DYNLRB1: variants seen among roughly 807,000 people sequenced by gnomAD.
DYNLRB1 encodes the protein ROBL/LC7-like 1.
DYNLRB1 carries 6 observed loss-of-function variants against 13.5 expected under a neutral mutation model. The observed-to-expected ratio is 0.44, with a 90% CI of 0.24 to 0.88. The LOEUF is 0.88. Among genes scored for constraint, DYNLRB1 ranks in the 40% least tolerant of loss-of-function variants. DYNLRB1 has a pLI of 0.21. For synonymous variants in DYNLRB1, 43 were observed against 45.0 expected (o/e 0.96, Z 0.18); for missense variants, 93 against 127.2 (o/e 0.73, Z 1.29).
chr20:34,537,008 A>G (rs989241963), intron 3 of DYNLRB1, among the ~76,000 whole-genome samples: 29 of 152,124 alleles, frequency 1.9e-4, no homozygotes, highest in African/African-American at 6.8e-4. Context: ...AGCGTCTCCA[A>G]TTTGGCCCTG....
At chr20:34,535,390 G>A (rs945984093) in intron 3 of DYNLRB1, 4 of 982,186 alleles carry the variant, frequency 4.1e-6, no homozygotes, top group Non-Finnish European at 3.6e-6. Context: ...TTTACGCGAG[G>A]TGCTTGCCTT....
intron 2 of DYNLRB1, 120 bp downstream of exon 2, chr20:34,526,463 A>G: frequency 1.5e-6 from 1 of 652,352 alleles, no homozygotes; most frequent in Non-Finnish European, 2.3e-6. Context: ...AGGCCTTTTT[A>G]ATTTTTAACA....
At chr20:34,517,401 A>C (rs989478971) in intron 1 of DYNLRB1, among the ~76,000 whole-genome samples, 1 of 152,120 alleles carries the variant, frequency 6.6e-6, no homozygotes, top group African/African-American at 2.4e-5. Context: ...TCATTATTAC[A>C]CCACAATATC....
intron 3 of DYNLRB1, among the ~76,000 whole-genome samples, chr20:34,539,250 G>C (rs1417060578): frequency 1.3e-5 from 2 of 152,212 alleles, no homozygotes; most frequent in East Asian, 3.8e-4. Context: ...ACTTGGACTT[G>C]CTGTGATTTA....
chr20:34,537,985 CTTT>C (rs67763754), intron 3 of DYNLRB1, among the ~76,000 whole-genome samples: 10 of 94,856 alleles, frequency 1.1e-4, no homozygotes, highest in Admixed American at 2.3e-4. Flanking sequence ...CGTGAACAGG[CTTT>C]TTTTTTTTTT....
At chr20:34,532,824 A>G (rs1980816292) in intron 2 of DYNLRB1, among the ~76,000 whole-genome samples, 1 of 152,130 alleles carries the variant, frequency 6.6e-6, no homozygotes, top group Non-Finnish European at 1.5e-5. Flanking sequence ...CCACCCTCAC[A>G]TTCCTGGTGC....
intron 2 of DYNLRB1, chr20:34,529,729 C>CAAA (rs111373342): frequency 2.7e-4 from 219 of 801,858 alleles, no homozygotes; most frequent in Non-Finnish European, 3.2e-4. Flanking sequence ...AACTCGGTCT[C>CAAA]AAAAAAAAAA....
chr20:34,516,552 C>T (rs1389467919), intron 1 of DYNLRB1, 91 bp downstream of exon 1: 23 of 1,580,958 alleles, frequency 1.5e-5, no homozygotes, highest in Non-Finnish European at 1.9e-5. Flanking sequence ...TCTCAGAGCT[C>T]CGGACAGGGA....
intron 3 of DYNLRB1, chr20:34,535,829 C>T: frequency 1.0e-6 from 1 of 985,084 alleles, no homozygotes; most frequent in Non-Finnish European, 1.2e-6. Flanking sequence ...GTTTTTAGGG[C>T]AGGAGGTGAT....
chr20:34,526,477 C>A, intron 2 of DYNLRB1, 134 bp downstream of exon 2: 2 of 567,456 alleles, frequency 3.5e-6, no homozygotes, highest in Non-Finnish European at 5.8e-6. Flanking sequence ...TTTAACACCT[C>A]CAGTGTTCTT....
At chr20:34,538,463 T>C (rs1308857782) in intron 3 of DYNLRB1, among the ~76,000 whole-genome samples, 1 of 152,058 alleles carries the variant, frequency 6.6e-6, no homozygotes, top group East Asian at 1.9e-4. Flanking sequence ...AACAGACTTC[T>C]AGTTTTCACT....
chr20:34,527,384 T>C (rs1980310036), intron 2 of DYNLRB1, among the ~76,000 whole-genome samples: 1 of 152,222 alleles, frequency 6.6e-6, no homozygotes, highest in South Asian at 2.1e-4. Context: ...TATATCTACC[T>C]TATAAGTTGA....
At chr20:34,535,466 G>A (rs931634760) in intron 3 of DYNLRB1, 1 of 796,216 alleles carries the variant, frequency 1.3e-6, no homozygotes, top group Non-Finnish European at 1.5e-6. Flanking sequence ...CTCAGGGTGA[G>A]GAGATGCTCA....
At chr20:34,516,414 G>A (rs756448724), upstream of DYNLRB1, 11 of 1,610,740 alleles carry the variant, frequency 6.8e-6, no homozygotes. Context: ...AAAGGCACAG[G>A]ACTCGCTAAG....
intron 2 of DYNLRB1, among the ~76,000 whole-genome samples, chr20:34,529,645 C>T (rs1980541634): frequency 6.6e-6 from 1 of 151,552 alleles, no homozygotes; most frequent in South Asian, 2.1e-4. Context: ...AGGAGAATCG[C>T]TTGAACCAAG....
intron 1 of DYNLRB1, among the ~76,000 whole-genome samples, chr20:34,523,543 C>T (rs954176696): frequency 6.6e-6 from 1 of 152,132 alleles, no homozygotes; most frequent in Non-Finnish European, 1.5e-5. Flanking sequence ...GGCTTTTGTG[C>T]TTGCTCTTGG....
chr20:34,522,473 T>TTTC (rs1555790964), intron 1 of DYNLRB1, among the ~76,000 whole-genome samples: 2 of 128,200 alleles, frequency 1.6e-5, no homozygotes, highest in Non-Finnish European at 3.4e-5. Context: ...CTTTTTCTTT[T>TTTC]TTTTTTTTTT....
At chr20:34,529,246 G>A (rs562682353) in intron 2 of DYNLRB1, among the ~76,000 whole-genome samples, 3 of 152,320 alleles carry the variant, frequency 2.0e-5, no homozygotes, top group African/African-American at 7.2e-5. Context: ...CCCGGTTGCG[G>A]GGCCCCCCAA....
At chr20:34,524,812 C>A (rs1301300622) in intron 1 of DYNLRB1, among the ~76,000 whole-genome samples, 2 of 152,040 alleles carry the variant, frequency 1.3e-5, no homozygotes, top group African/African-American at 4.8e-5. Context: ...CAAGCTCCAC[C>A]CCGCGGGTTC....
Sources: allele counts gnomAD v4.1 joint callset (sites outside exome capture counted in the v4.1 genomes callset), GRCh38; gene constraint gnomAD v4.1.1; transcripts MANE v1.5; gene names NCBI Gene and HGNC (gene_info 2026-07-23, HGNC 2026-07-21).